The following BTBD9 variants were observed in gnomAD, a reference collection of about 807,000 sequenced individuals.
BTBD9 encodes the protein BTB/POZ domain-containing protein 9.
A neutral mutation model predicts 64.3 loss-of-function variants in BTBD9; 49 were observed. That is an observed-to-expected ratio of 0.76 (90% CI 0.61 to 0.97). The LOEUF is 0.97. BTBD9 is among the 50% of genes least tolerant of loss of function. The probability of loss-of-function intolerance (pLI) is 0.00; values close to 1 mark genes in which losing one functional copy is unlikely to be tolerated. For synonymous variants in BTBD9, 260 were observed against 274.7 expected (o/e 0.95, Z 0.53); for missense variants, 598 against 762.1 (o/e 0.78, Z 2.53).
intron 10 of BTBD9, among the ~76,000 whole-genome samples, chr6:38,177,126 T>C (rs746679727): frequency 3.9e-4 from 60 of 152,206 alleles, no homozygotes; most frequent in Non-Finnish European, 6.9e-4. Context: ...GTTCTTTAAT[T>C]GGTTATTTGT....
At chr6:38,605,447 G>A (rs997932083) in intron 1 of BTBD9, among the ~76,000 whole-genome samples, 2 of 152,182 alleles carry the variant, frequency 1.3e-5, no homozygotes, top group African/African-American at 4.8e-5. Flanking sequence ...GGTGACTTGA[G>A]AGAAGAGTGG....
intron 10 of BTBD9, among the ~76,000 whole-genome samples, chr6:38,177,312 A>G (rs1416276417): frequency 6.6e-6 from 1 of 152,042 alleles, no homozygotes; most frequent in African/African-American, 2.4e-5. Flanking sequence ...AACGTTCTCT[A>G]CAGTCCTGTT....
intron 6 of BTBD9, among the ~76,000 whole-genome samples, chr6:38,541,513 C>T (rs796872317): frequency 7.2e-5 from 11 of 152,170 alleles, no homozygotes; most frequent in African/African-American, 2.6e-4. Flanking sequence ...CCGAGGCAGG[C>T]GGATCACGAG....
intron 6 of BTBD9, among the ~76,000 whole-genome samples, chr6:38,569,276 T>C (rs1275687555): frequency 6.6e-6 from 1 of 152,242 alleles, no homozygotes; most frequent in Non-Finnish European, 1.5e-5. Context: ...GTCTGGCACC[T>C]AAATGAGGTG....
At chr6:38,599,145 G>A (rs750000555) in intron 1 of BTBD9, among the ~76,000 whole-genome samples, 3 of 152,056 alleles carry the variant, frequency 2.0e-5, no homozygotes, top group Non-Finnish European at 2.9e-5. Context: ...CACCTTCCTT[G>A]CTTTTGTATA....
At chr6:38,189,951 G>A (rs904406905) in intron 10 of BTBD9, among the ~76,000 whole-genome samples, 1 of 150,954 alleles carries the variant, frequency 6.6e-6, no homozygotes, top group African/African-American at 2.4e-5. Flanking sequence ...TGGAATTACA[G>A]GCGTGAGCCA....
chr6:38,339,623 G>A (rs971607308), intron 7 of BTBD9, among the ~76,000 whole-genome samples: 2 of 152,098 alleles, frequency 1.3e-5, no homozygotes, highest in African/African-American at 2.4e-5. Flanking sequence ...CTTTTAAATG[G>A]AAGGATAACA....
At chr6:38,613,967 C>T (rs983576353) in intron 1 of BTBD9, among the ~76,000 whole-genome samples, 2 of 152,138 alleles carry the variant, frequency 1.3e-5, no homozygotes, top group Non-Finnish European at 2.9e-5. Flanking sequence ...CTCACCAGAA[C>T]GCTTACCACC....
intron 6 of BTBD9, among the ~76,000 whole-genome samples, chr6:38,348,751 C>T (rs1452296481): frequency 6.6e-6 from 1 of 152,084 alleles, no homozygotes; most frequent in Non-Finnish European, 1.5e-5. Flanking sequence ...GGGATTCTGT[C>T]TTCTTTAATA....
intron 6 of BTBD9, among the ~76,000 whole-genome samples, chr6:38,566,859 G>A (rs761297501): frequency 3.3e-5 from 5 of 152,154 alleles, no homozygotes; most frequent in Non-Finnish European, 7.4e-5. Flanking sequence ...TGGGAAACGC[G>A]TGCATGCTTC....
intron 6 of BTBD9, among the ~76,000 whole-genome samples, chr6:38,524,273 C>G (rs1773390223): frequency 6.6e-6 from 1 of 151,982 alleles, no homozygotes. Context: ...TGGTTTTTAG[C>G]TGAGTTTCCA....
intron 8 of BTBD9, among the ~76,000 whole-genome samples, chr6:38,282,178 T>C (rs1009692765): frequency 6.6e-6 from 1 of 152,216 alleles, no homozygotes; most frequent in African/African-American, 2.4e-5. Flanking sequence ...CTCTGAAGAC[T>C]TCCCGTTATT....
At chr6:38,394,468 A>G (rs1766576547) in intron 6 of BTBD9, among the ~76,000 whole-genome samples, 1 of 152,218 alleles carries the variant, frequency 6.6e-6, no homozygotes. Flanking sequence ...CAATATCCAG[A>G]GACAAGTCAG....
chr6:38,520,040 A>G (rs1773211368), intron 6 of BTBD9, among the ~76,000 whole-genome samples: 1 of 152,262 alleles, frequency 6.6e-6, no homozygotes, highest in African/African-American at 2.4e-5. Context: ...AAATCTCACA[A>G]AACTATATGT....
intron 8 of BTBD9, among the ~76,000 whole-genome samples, chr6:38,287,241 G>A (rs1259657928): frequency 6.6e-6 from 1 of 151,492 alleles, no homozygotes; most frequent in Non-Finnish European, 1.5e-5. Context: ...CTCACCCAGA[G>A]CAACTTCTTG....
At position 38,173,385 on chromosome 6, in the gene BTBD9, G is replaced by A. The variant is rs534669290; in HGVS notation, c.*1600C>T. ...GGATAGGAAGCAGCTCAGCCCTGCA[G>A]CTGGAGCTACCGGGGAGGATGGAGA... On this transcript the variant is annotated 3_prime_UTR_variant, in exon 11 of 11. Transcript: ENST00000481247. 1 of 152,374 alleles carries A rather than the reference G, an allele frequency of 6.6e-6. No individual in the cohort carries two copies. The highest frequency in any genetic ancestry group is 1.9e-4 in the East Asian group (1 of 5,188). The allele number at this position is 152,374 out of a possible 1,614,324, so 9.4% of individuals were successfully genotyped here. A position where few individuals can be genotyped will look rare whatever the true frequency, so the allele number is the denominator to read the frequency against.
intron 8 of BTBD9, among the ~76,000 whole-genome samples, chr6:38,275,953 A>T (rs1761220920): frequency 2.0e-5 from 3 of 152,068 alleles, no homozygotes; most frequent in Admixed American, 6.5e-5. Flanking sequence ...TTCCTCAGGG[A>T]TCTAGAACTA....
intron 9 of BTBD9, among the ~76,000 whole-genome samples, chr6:38,203,385 A>G (rs1762529632): frequency 6.6e-6 from 1 of 152,198 alleles, no homozygotes; most frequent in Non-Finnish European, 1.5e-5. Flanking sequence ...TGATCCAGCA[A>G]TTTCACTTCT....
At chr6:38,222,209 T>C (rs1561891894) in intron 9 of BTBD9, among the ~76,000 whole-genome samples, 2 of 149,440 alleles carry the variant, frequency 1.3e-5, no homozygotes, top group East Asian at 4.0e-4. Flanking sequence ...AAAAATCATA[T>C]AGCTGAAGAG....
Sources: allele counts gnomAD v4.1 joint callset (sites outside exome capture counted in the v4.1 genomes callset), GRCh38; gene constraint gnomAD v4.1.1; transcripts MANE v1.5; gene names NCBI Gene and HGNC (gene_info 2026-07-23, HGNC 2026-07-21).